The following ZNF438 variants were observed in gnomAD, a reference collection of about 807,000 sequenced individuals.
The protein encoded by ZNF438 is zinc finger protein 438.
In ZNF438, 25 loss-of-function variants were observed where a neutral mutation model predicts 38.0. That is an observed-to-expected ratio of 0.66 (90% CI 0.48 to 0.92). The LOEUF (loss-of-function observed/expected upper bound fraction) is 0.92, where lower values mean the gene tolerates loss of function less well. Ranked by LOEUF, ZNF438 falls within the 40% of genes least tolerant of loss-of-function variation. The pLI is 0.00. For synonymous variants in ZNF438, 372 were observed against 364.1 expected (o/e 1.02, Z -0.25); for missense variants, 1,007 against 999.6 (o/e 1.01, Z -0.10).
chr10:30,949,026 A>T (rs962905651), intron 1 of ZNF438, among the ~76,000 whole-genome samples: 2 of 152,150 alleles, frequency 1.3e-5, no homozygotes, highest in African/African-American at 4.8e-5. Flanking sequence ...CTCAAAGGGA[A>T]GCCCATCAGA....
intron 3 of ZNF438, among the ~76,000 whole-genome samples, chr10:30,896,068 G>A (rs1486191110): frequency 6.6e-6 from 1 of 152,070 alleles, no homozygotes; most frequent in Non-Finnish European, 1.5e-5. Flanking sequence ...TTGGGAGGCC[G>A]AGAGGGGCAG....
chr10:30,930,634 C>T (rs887557581), intron 2 of ZNF438, among the ~76,000 whole-genome samples: 4 of 149,594 alleles, frequency 2.7e-5, no homozygotes, highest in African/African-American at 9.8e-5. Context: ...CCCATCTCTA[C>T]TAAAATACAC....
intron 3 of ZNF438, among the ~76,000 whole-genome samples, chr10:30,899,027 C>T (rs919568098): frequency 3.9e-5 from 6 of 152,082 alleles, no homozygotes; most frequent in African/African-American, 1.4e-4. Context: ...TAGTTAAGGT[C>T]CCGTTATTCT....
At chr10:30,989,800 AAAG>A (rs1214820658) in intron 1 of ZNF438, among the ~76,000 whole-genome samples, 1 of 152,244 alleles carries the variant, frequency 6.6e-6, no homozygotes, top group African/African-American at 2.4e-5. Context: ...AGAGATACAG[AAAG>A]AAGATTTAAA....
At chr10:30,894,659 A>G (rs2041105281) in intron 3 of ZNF438, among the ~76,000 whole-genome samples, 1 of 152,252 alleles carries the variant, frequency 6.6e-6, no homozygotes, top group Non-Finnish European at 1.5e-5. Context: ...TCACAAAAGA[A>G]AGAAAAAGTA....
chr10:30,896,295 C>CAAA (rs56673889), intron 3 of ZNF438, among the ~76,000 whole-genome samples: 5 of 107,052 alleles, frequency 4.7e-5, no homozygotes, highest in Admixed American at 1.9e-4. Flanking sequence ...GACTCCATCT[C>CAAA]AAAAAAAAAA....
chr10:30,887,112 TA>T (rs1189303285), intron 3 of ZNF438, among the ~76,000 whole-genome samples: 1 of 152,190 alleles, frequency 6.6e-6, no homozygotes, highest in Non-Finnish European at 1.5e-5. Context: ...TTTATCTAAC[TA>T]ACACACCAAG....
chr10:30,925,607 A>G (rs1483789002), intron 2 of ZNF438, among the ~76,000 whole-genome samples: 1 of 152,150 alleles, frequency 6.6e-6, no homozygotes, highest in African/African-American at 2.4e-5. Context: ...CCCAGTCAAA[A>G]TTTTCCCTTT....
intron 1 of ZNF438, among the ~76,000 whole-genome samples, chr10:30,999,774 C>T (rs891003649): frequency 5.3e-5 from 8 of 152,118 alleles, no homozygotes; most frequent in Non-Finnish European, 7.4e-5. Context: ...TTAACTTGAT[C>T]TATGGTCATT....
At chr10:30,977,240 A>C (rs925674071) in intron 1 of ZNF438, among the ~76,000 whole-genome samples, 7 of 152,234 alleles carry the variant, frequency 4.6e-5, no homozygotes, top group Admixed American at 3.9e-4. Flanking sequence ...ACAATATAGC[A>C]AACAGTATAA....
chr10:30,903,780 T>C (rs185303104), intron 3 of ZNF438, among the ~76,000 whole-genome samples: 87 of 152,328 alleles, frequency 5.7e-4, no homozygotes, highest in Non-Finnish European at 9.1e-4. Flanking sequence ...TACTTTTTTG[T>C]CCCTGTATCT....
At chr10:30,967,100 T>C (rs954422775) in intron 1 of ZNF438, among the ~76,000 whole-genome samples, 2 of 152,210 alleles carry the variant, frequency 1.3e-5, no homozygotes, top group Admixed American at 6.5e-5. Flanking sequence ...TAAGGCAGCA[T>C]TGGCAAAAGT....
At chr10:30,975,325 T>A (rs2051216758) in intron 1 of ZNF438, among the ~76,000 whole-genome samples, 1 of 152,186 alleles carries the variant, frequency 6.6e-6, no homozygotes, top group African/African-American at 2.4e-5. Flanking sequence ...GGAGGTCAGA[T>A]GACTAGGCAC....
chr10:30,965,081 T>A (rs1397165947), intron 1 of ZNF438, among the ~76,000 whole-genome samples: 2 of 152,020 alleles, frequency 1.3e-5, no homozygotes, highest in African/African-American at 4.8e-5. Context: ...ATAAGGAACT[T>A]AAGCAATTCA....
At chr10:30,932,790 C>T (rs1341721822) in intron 2 of ZNF438, among the ~76,000 whole-genome samples, 1 of 152,136 alleles carries the variant, frequency 6.6e-6, no homozygotes, top group Non-Finnish European at 1.5e-5. Context: ...TGAGTTCATA[C>T]CAGGTTAGGG....
chr10:30,899,968 C>G (rs1260771017), intron 3 of ZNF438, among the ~76,000 whole-genome samples: 1 of 152,148 alleles, frequency 6.6e-6, no homozygotes, highest in Admixed American at 6.5e-5. Context: ...AAAAAGTAGG[C>G]ATTCACTCTA....
At chr10:30,890,022 C>A (rs2040474150) in intron 3 of ZNF438, among the ~76,000 whole-genome samples, 1 of 140,484 alleles carries the variant, frequency 7.1e-6, no homozygotes, top group Non-Finnish European at 1.5e-5. Flanking sequence ...TATTACATTA[C>A]ATGTTAATAA....
At chr10:31,028,311 C>T (rs868374861) in intron 1 of ZNF438, among the ~76,000 whole-genome samples, 1 of 152,160 alleles carries the variant, frequency 6.6e-6, no homozygotes, top group Admixed American at 6.5e-5. Context: ...CAAGCCAACT[C>T]CCTTATTTCT....
chr10:30,977,764 C>A (rs556686954), intron 1 of ZNF438, among the ~76,000 whole-genome samples: 1 of 151,908 alleles, frequency 6.6e-6, no homozygotes, highest in Non-Finnish European at 1.5e-5. Flanking sequence ...GCTAGCGGAT[C>A]GCAAGGTCAG....
Sources: gnomAD v4.1 joint callset for allele counts (sites outside exome capture counted in the v4.1 genomes callset) on GRCh38, gnomAD v4.1.1 for gene constraint, MANE v1.5 for transcripts, NCBI Gene and HGNC (gene_info 2026-07-23, HGNC 2026-07-21) for gene names.